OPCML: variants seen among roughly 807,000 people sequenced by gnomAD.
The protein encoded by OPCML is opioid binding protein/cell adhesion molecule like.
Under a neutral mutation model 37.8 loss-of-function variants are expected in OPCML, and 13 were observed. The observed-to-expected ratio is 0.34, with a 90% CI of 0.22 to 0.55. OPCML has a LOEUF of 0.55. Among genes scored for constraint, OPCML ranks in the 20% least tolerant of loss-of-function variants. The pLI is 0.91. For missense variants in OPCML, 341 were observed against 435.6 expected (o/e 0.78, Z 1.93); for synonymous variants, 176 against 168.8 (o/e 1.04, Z -0.33).
intron 1 of OPCML, among the ~76,000 whole-genome samples, chr11:133,293,935 CA>C (rs1942556163): frequency 7.4e-6 from 1 of 134,796 alleles, no homozygotes; most frequent in Non-Finnish European, 1.6e-5. Flanking sequence ...CACACACACA[CA>C]AAAGCATCCA....
At chr11:133,239,785 A>T (rs1940656583) in intron 1 of OPCML, among the ~76,000 whole-genome samples, 1 of 152,188 alleles carries the variant, frequency 6.6e-6, no homozygotes. Flanking sequence ...GATGCCAGAG[A>T]AAGCGGGAGA....
At chr11:132,807,787 C>G (rs902460499) in intron 2 of OPCML, among the ~76,000 whole-genome samples, 6 of 152,198 alleles carry the variant, frequency 3.9e-5, no homozygotes, top group African/African-American at 1.4e-4. Context: ...AAACCCGTAT[C>G]AATCAAAGGG....
intron 1 of OPCML, among the ~76,000 whole-genome samples, chr11:133,345,377 T>C (rs1376526797): frequency 6.6e-6 from 1 of 152,234 alleles, no homozygotes; most frequent in Non-Finnish European, 1.5e-5. Flanking sequence ...GCTTTTAATA[T>C]GAATCATGCA....
chr11:132,506,531 C>A (rs1015484539), intron 4 of OPCML, among the ~76,000 whole-genome samples: 3 of 151,970 alleles, frequency 2.0e-5, no homozygotes, highest in African/African-American at 7.3e-5. Context: ...AACATGTAAA[C>A]GCGGATTGTG....
intron 1 of OPCML, among the ~76,000 whole-genome samples, chr11:133,435,117 A>G (rs1946206339): frequency 6.6e-6 from 1 of 152,154 alleles, no homozygotes; most frequent in South Asian, 2.1e-4. Flanking sequence ...TTCTGTATTT[A>G]TAGAATCATT....
chr11:133,144,660 C>G (rs1212221647), intron 1 of OPCML, among the ~76,000 whole-genome samples: 1 of 152,228 alleles, frequency 6.6e-6, no homozygotes. Flanking sequence ...TATGGTCTGA[C>G]TTCCTATACT....
intron 1 of OPCML, among the ~76,000 whole-genome samples, chr11:133,371,954 C>T (rs918882090): frequency 6.6e-6 from 1 of 151,982 alleles, no homozygotes; most frequent in Non-Finnish European, 1.5e-5. Flanking sequence ...GTTACTTACA[C>T]GTGGGAGCTA....
At chr11:133,303,804 A>G (rs1942844107) in intron 1 of OPCML, among the ~76,000 whole-genome samples, 1 of 152,324 alleles carries the variant, frequency 6.6e-6, no homozygotes, top group Middle Eastern at 3.4e-3. Flanking sequence ...GGTGGAAGAC[A>G]CTGTTGAATA....
intron 1 of OPCML, among the ~76,000 whole-genome samples, chr11:133,218,482 C>G (rs1227043758): frequency 6.6e-6 from 1 of 152,108 alleles, no homozygotes; most frequent in Non-Finnish European, 1.5e-5. Context: ...TTTGGATTTT[C>G]CAAAAAGAAG....
chr11:133,486,461 CT>C (rs202212758), intron 1 of OPCML, among the ~76,000 whole-genome samples: 42 of 151,396 alleles, frequency 2.8e-4, no homozygotes, highest in Non-Finnish European at 5.2e-4. Flanking sequence ...TTAAACACTT[CT>C]TTTTTTTTCT....
At chr11:133,078,475 G>A (rs1948657006) in intron 1 of OPCML, among the ~76,000 whole-genome samples, 1 of 152,218 alleles carries the variant, frequency 6.6e-6, no homozygotes, top group Admixed American at 6.5e-5. Context: ...GTGTAAACCG[G>A]TGACAAAGAA....
chr11:133,412,165 A>G (rs1359180132), intron 1 of OPCML, among the ~76,000 whole-genome samples: 5 of 152,200 alleles, frequency 3.3e-5, no homozygotes, highest in African/African-American at 1.2e-4. Context: ...AGTAACTCCA[A>G]AGCACTTTCA....
chr11:133,132,802 A>T (rs563798646), intron 1 of OPCML, among the ~76,000 whole-genome samples: 14 of 152,158 alleles, frequency 9.2e-5, no homozygotes, highest in African/African-American at 2.9e-4. Flanking sequence ...TAGAAAATGC[A>T]ACTCATCCAC....
rs142558392 is a variant in OPCML at position 132,759,697 on chromosome 11, T to C, written c.147-102378A>G. Among the ~76,000 whole-genome samples, 1,318 of 152,112 alleles carry C rather than the reference T, an allele frequency of 8.7e-3. 13 individuals carry two copies. The highest frequency in any genetic ancestry group is 0.03 in the African/African-American group (1,238 of 41,382). On this transcript the variant is annotated intron_variant, in intron 2 of 7. Transcript: ENST00000524381. Reference sequence around the variant, plus strand: ...TTTGATTCTTCTCTCTTTTCTTCCTTATTAGTCTGGCTAGCAATCTATCTA... The same window carrying C: ...TTTGATTCTTCTCTCTTTTCTTCCTCATTAGTCTGGCTAGCAATCTATCTA...
intron 7 of OPCML, among the ~76,000 whole-genome samples, chr11:132,420,843 C>T (rs2095956105): frequency 6.6e-6 from 1 of 152,140 alleles, no homozygotes; most frequent in African/African-American, 2.4e-5. Flanking sequence ...ACAATCATCC[C>T]CATGGGTTTT....
intron 1 of OPCML, among the ~76,000 whole-genome samples, chr11:133,099,255 G>GT (rs1949050069): frequency 6.6e-6 from 1 of 151,390 alleles, no homozygotes; most frequent in African/African-American, 2.4e-5. Flanking sequence ...ACATCTGTTA[G>GT]TTTTTTATCT....
chr11:133,489,995 T>C (rs1296529390), intron 1 of OPCML, among the ~76,000 whole-genome samples: 2 of 152,176 alleles, frequency 1.3e-5, no homozygotes, highest in African/African-American at 4.8e-5. Context: ...GCAACATGCA[T>C]GGAACTGGAG....
intron 2 of OPCML, among the ~76,000 whole-genome samples, chr11:132,909,175 GTCTA>G (rs2136533049): frequency 6.6e-6 from 1 of 152,282 alleles, no homozygotes; most frequent in South Asian, 2.1e-4. Flanking sequence ...CTGCAGGGCT[GTCTA>G]TCTGAGTGGG....
intron 7 of OPCML, among the ~76,000 whole-genome samples, chr11:132,429,122 G>A (rs1281323033): frequency 1.3e-5 from 2 of 152,118 alleles, no homozygotes; most frequent in South Asian, 2.1e-4. Context: ...GACACAGGGG[G>A]CCCAGCCTGG....
Sources: gnomAD v4.1 joint callset for allele counts (sites outside exome capture counted in the v4.1 genomes callset) on GRCh38, gnomAD v4.1.1 for gene constraint, MANE v1.5 for transcripts, NCBI Gene and HGNC (gene_info 2026-07-23, HGNC 2026-07-21) for gene names.